CACNA1D: variants seen among roughly 807,000 people sequenced by gnomAD.
CACNA1D encodes the protein calcium voltage-gated channel subunit alpha1 D.
Under a neutral mutation model 257.1 loss-of-function variants are expected in CACNA1D, and 55 were observed. That is an observed-to-expected ratio of 0.21 (90% CI 0.17 to 0.27). The LOEUF is 0.27. Ranked by LOEUF, CACNA1D falls within the 10% of genes least tolerant of loss-of-function variation. CACNA1D has a pLI of 1.00. For synonymous variants in CACNA1D, 980 were observed against 1,014.9 expected (o/e 0.97, Z 0.65); for missense variants, 1,876 against 2,784.0 (o/e 0.67, Z 7.34).
intron 3 of CACNA1D, among the ~76,000 whole-genome samples, chr3:53,506,068 C>A (rs890875876): frequency 1.2e-4 from 18 of 152,218 alleles, no homozygotes; most frequent in Non-Finnish European, 2.2e-4. Flanking sequence ...AATTTCATAA[C>A]CTGGCTCCTT....
At chr3:53,809,916 G>T (rs1322137500) in intron 46 of CACNA1D, 62 bp from the exon 47 acceptor site, 2 of 1,508,724 alleles carry the variant, frequency 1.3e-6, no homozygotes, top group Non-Finnish European at 9.2e-7. Flanking sequence ...TCTGTGCGCA[G>T]AAGGTTTGAG....
chr3:53,590,899 T>A (rs2093294581), intron 3 of CACNA1D, among the ~76,000 whole-genome samples: 1 of 152,206 alleles, frequency 6.6e-6, no homozygotes, highest in Non-Finnish European at 1.5e-5. Context: ...CTCTGTCCGC[T>A]GTGGGCTACA....
intron 3 of CACNA1D, among the ~76,000 whole-genome samples, chr3:53,545,322 C>T (rs2092388262): frequency 6.6e-6 from 1 of 152,236 alleles, no homozygotes; most frequent in Admixed American, 6.5e-5. Flanking sequence ...CCAGACCAGG[C>T]AGCAGAGCTG....
At chr3:53,575,529 T>C (rs745370840) in intron 3 of CACNA1D, among the ~76,000 whole-genome samples, 10 of 152,082 alleles carry the variant, frequency 6.6e-5, no homozygotes, top group Non-Finnish European at 1.2e-4. Context: ...GAGATACGAG[T>C]ACATGGCAAG....
intron 46 of CACNA1D, 157 bp downstream of exon 46, chr3:53,808,927 C>A: frequency 1.3e-6 from 1 of 770,566 alleles, no homozygotes. Context: ...TGTCAAATAG[C>A]TATGGCCATG....
At chr3:53,674,050 C>A (rs2094350316) in intron 8 of CACNA1D, 3 of 606,166 alleles carry the variant, frequency 4.9e-6, no homozygotes, top group Non-Finnish European at 8.9e-6. Flanking sequence ...CCCCCAAAGC[C>A]AGTTGTGTTA....
At chr3:53,563,750 A>C (rs2092783598) in intron 3 of CACNA1D, among the ~76,000 whole-genome samples, 1 of 152,168 alleles carries the variant, frequency 6.6e-6, no homozygotes, top group Non-Finnish European at 1.5e-5. Flanking sequence ...CTTTTGTAGA[A>C]TATACCATGA....
chr3:53,776,786 T>A lies in CACNA1D; in HGVS notation c.4490+56T>A. ...GTGGGTGGATTTTGGAATGTCAGCT[T>A]TTTTTGTGGAGTGGACTGAAAGTTC... On this transcript the variant is annotated intron_variant, in intron 36 of 47. Transcript: ENST00000350061. 26 of 1,614,144 alleles carry A rather than the reference T, an allele frequency of 1.6e-5. No individual in the cohort carries two copies. The South Asian group carries it at 2.3e-4, about 14-fold the overall frequency.
rs1202789754 is a variant in CACNA1D at position 53,800,750 on chromosome 3, C to G, written c.5041-308C>G. The stretch of plus-strand genomic sequence containing the variant: ...CCCCCAGCCCAGAGAGCATGCCCAA[C>G]CTTGGGGCCACCAGCCAGCCCAGCT... On this transcript the variant is annotated intron_variant, in intron 41 of 47. Coordinates refer to ENST00000350061, the MANE Select transcript of CACNA1D (RefSeq NM_001128840.3). This position sits in a 1 kb window ranked among gnomAD's most constrained non-coding sequence, Gnocchi z 4.3. 1 of 516,538 alleles carries G rather than the reference C, an allele frequency of 1.9e-6. No homozygotes were observed. Among genetic ancestry groups the G allele is most frequent in the Non-Finnish European group, 3.5e-6 (1 of 284,984 alleles). 32.0% of individuals were successfully genotyped at this position (516,538 alleles called of 1,614,324 possible).
chr3:53,556,682 G>T (rs2092650491), intron 3 of CACNA1D, among the ~76,000 whole-genome samples: 1 of 151,134 alleles, frequency 6.6e-6, no homozygotes, highest in Non-Finnish European at 1.5e-5. Context: ...TCAGTCTATA[G>T]CTTGTCTTTC....
chr3:53,521,630 G>A (rs1459904943), intron 3 of CACNA1D, among the ~76,000 whole-genome samples: 7 of 152,008 alleles, frequency 4.6e-5, no homozygotes, highest in South Asian at 2.1e-4. Context: ...GTATATGTAG[G>A]GAAAGATAAT....
chr3:53,707,260 C>A (rs13082692), intron 9 of CACNA1D, among the ~76,000 whole-genome samples: 1 of 152,012 alleles, frequency 6.6e-6, no homozygotes, highest in Non-Finnish European at 1.5e-5. Flanking sequence ...ATACTCCACC[C>A]TCTAAGACTC....
intron 21 of CACNA1D, 75 bp downstream of exon 21, chr3:53,740,414 T>C: frequency 1.0e-6 from 1 of 990,938 alleles, no homozygotes; most frequent in South Asian, 1.3e-5. Flanking sequence ...TTGTTTGCCT[T>C]CCAGATGCTA....
intron 3 of CACNA1D, among the ~76,000 whole-genome samples, chr3:53,510,043 GA>G (rs1210691346): frequency 6.6e-6 from 1 of 152,158 alleles, no homozygotes; most frequent in Non-Finnish European, 1.5e-5. Context: ...TGTGGGGTTG[GA>G]AAACAGCCAG....
chr3:53,733,622 G>A (rs777286371), intron 19 of CACNA1D, among the ~76,000 whole-genome samples: 62 of 152,274 alleles, frequency 4.1e-4, no homozygotes, highest in Non-Finnish European at 5.3e-4. Flanking sequence ...AGAGGAAGAC[G>A]TTTATTTACT....
At chr3:53,509,179 G>A (rs1450722725) in intron 3 of CACNA1D, among the ~76,000 whole-genome samples, 2 of 151,590 alleles carry the variant, frequency 1.3e-5, no homozygotes, top group Non-Finnish European at 2.9e-5. Flanking sequence ...GGCTGGGCAG[G>A]CAAAGCCGGA....
intron 3 of CACNA1D, among the ~76,000 whole-genome samples, chr3:53,525,911 A>G (rs976924900): frequency 1.3e-5 from 2 of 152,132 alleles, no homozygotes; most frequent in African/African-American, 2.4e-5. Context: ...CAGGCGCTCA[A>G]ATGATGTCAC....
At chr3:53,530,469 G>A (rs1336016749) in intron 3 of CACNA1D, 3 of 152,180 alleles carry the variant, frequency 2.0e-5, no homozygotes. Context: ...CACCTCTGGG[G>A]GAGTTATTGT....
chr3:53,624,319 A>T (rs2093731964), intron 3 of CACNA1D, among the ~76,000 whole-genome samples: 1 of 152,238 alleles, frequency 6.6e-6, no homozygotes, highest in Non-Finnish European at 1.5e-5. Context: ...TTTTGAACTG[A>T]TCTATGTAGT....
Sources: gnomAD v4.1 joint callset for allele counts (sites outside exome capture counted in the v4.1 genomes callset) on GRCh38, gnomAD v4.1.1 for gene constraint, Gnocchi (gnomAD v3.1) non-coding constraint, MANE v1.5 for transcripts, NCBI Gene and HGNC (gene_info 2026-07-23, HGNC 2026-07-21) for gene names.